LRP5: variants seen among roughly 807,000 people sequenced by gnomAD.
LRP5 encodes the protein LDL receptor related protein 5.
In LRP5, 62 loss-of-function variants were observed where a neutral mutation model predicts 154.1. The ratio of observed to expected loss-of-function variants is 0.40; its 90% confidence interval spans 0.33 to 0.50. LRP5 has a LOEUF of 0.50. LRP5 is among the 20% of genes least tolerant of loss of function. LRP5 has a pLI of 0.55. For synonymous variants in LRP5, 966 were observed against 1,011.5 expected, an observed-to-expected ratio of 0.96 and a Z score of 0.85; for missense variants, 1,915 against 2,336.7, an observed-to-expected ratio of 0.82 and a Z score of 3.72.
chr11:68,354,993 T>C (rs982216122), intron 2 of LRP5, among the ~76,000 whole-genome samples: 2 of 152,088 alleles, frequency 1.3e-5, no homozygotes, highest in Non-Finnish European at 2.9e-5. Flanking sequence ...GAAGAGGGCA[T>C]GTTTGGTTCG....
chr11:68,410,012 G>C lies in LRP5; in HGVS notation c.2190G>C (p.Lys730Asn), dbSNP rs771414728. The part of the protein sequence containing the change: ...PEGMAVDWMG[K>N]NLYWADTGTN... ...GCATGGCCGTTGACTGGATGGGCAA[G>C]AACCTCTACTGGGCCGACACTGGGA... is the stretch of plus-strand genomic sequence containing the variant. Residue 730 changes from lysine to asparagine, a missense_variant, in exon 10 of 23, where the codon AAG becomes AAC. This residue lies in a region of LRP5 where 773 missense variants were observed against 1,100.9 expected (regional missense o/e 0.70). Coordinates refer to ENST00000294304, the MANE Select transcript of LRP5 (RefSeq NM_002335.4). 6.2e-6 allele frequency: 10 copies of C among 1,614,028 alleles called. No individual in the cohort carries two copies. Among genetic ancestry groups the C allele is most frequent in the Non-Finnish European group, 8.5e-6 (10 of 1,180,006 alleles).
At chr11:68,442,567 C>T (rs537376275) in intron 21 of LRP5, among the ~76,000 whole-genome samples, 2 of 152,300 alleles carry the variant, frequency 1.3e-5, no homozygotes, top group African/African-American at 2.4e-5. Context: ...TGAGCCACTG[C>T]GCCTGGGCTG....
At chr11:68,337,965 A>G (rs1482744479) in intron 1 of LRP5, among the ~76,000 whole-genome samples, 1 of 152,178 alleles carries the variant, frequency 6.6e-6, no homozygotes, top group Non-Finnish European at 1.5e-5. Flanking sequence ...CCCAGGCTCC[A>G]GGCATTACCT....
chr11:68,431,824 G>A (rs1450963942), intron 17 of LRP5, among the ~76,000 whole-genome samples: 1 of 152,248 alleles, frequency 6.6e-6, no homozygotes, highest in Non-Finnish European at 1.5e-5. Context: ...ACTAACTGCA[G>A]CCTTGGGCCT....
intron 1 of LRP5, among the ~76,000 whole-genome samples, chr11:68,325,548 C>T (rs756842506): frequency 5.7e-4 from 87 of 152,318 alleles, no homozygotes; most frequent in Non-Finnish European, 6.6e-4. Flanking sequence ...CAGTGGCCTC[C>T]AAGCAGAAGC....
chr11:68,379,236 G>A (rs1591252681), intron 5 of LRP5, among the ~76,000 whole-genome samples: 1 of 152,052 alleles, frequency 6.6e-6, no homozygotes, highest in African/African-American at 2.4e-5. Context: ...GAATGCCCTC[G>A]TTTAGGTAAA....
At position 68,312,616 on chromosome 11, in the gene LRP5, G is replaced by T. The variant is rs1422107908; in HGVS notation, c.-99G>T. On this transcript the variant is annotated 5_prime_UTR_variant, in exon 1 of 23. Transcript: ENST00000294304. Reference sequence around the variant, plus strand: ...GTCGTCCTGGTCCGCGGCGCCCGAGGGGGGAGGCGGAGGCGCCGGGAGCCG... The same window carrying T: ...GTCGTCCTGGTCCGCGGCGCCCGAGTGGGGAGGCGGAGGCGCCGGGAGCCG... 3 of 416,400 alleles carry T rather than the reference G, an allele frequency of 7.2e-6. No individual in the cohort carries two copies. Among genetic ancestry groups the T allele is most frequent in the Non-Finnish European group, 9.7e-6 (3 of 310,400 alleles). The allele number at this position is 416,400 out of a possible 1,614,324, so 25.8% of individuals were successfully genotyped here. A position where few individuals can be genotyped will look rare whatever the true frequency, so the allele number is the denominator to read the frequency against.
Position 68,386,389 on chromosome 11 carries a change from C to T in LRP5, c.1089C>T (p.Thr363=), listed in dbSNP as rs747651554. ...RRISLDTPDF[T]DIVLQVDDIR... ...TCTCGCTGGACACGCCGGACTTCAC[C>T]GACATCGTGCTGCAGGTGGACGACA... The change falls in exon 6 of 23, where the codon ACC becomes ACT. Residue 363 remains threonine, a synonymous_variant. Transcript: ENST00000294304. The surrounding 1 kb of genome is among the most constrained non-coding windows in gnomAD (Gnocchi z 7.9). The T allele has an allele frequency of 1.2e-5, 19 of 1,613,772 alleles. No homozygotes were observed. The highest frequency in any genetic ancestry group is 4.5e-5 in the East Asian group (2 of 44,888).
chr11:68,349,424 G>A (rs1450035580), intron 2 of LRP5, among the ~76,000 whole-genome samples: 1 of 152,204 alleles, frequency 6.6e-6, no homozygotes, highest in Admixed American at 6.5e-5. Flanking sequence ...TTTGCTGTGT[G>A]TATGGTGGGC....
chr11:68,357,238 A>G (rs1164345714), intron 2 of LRP5, among the ~76,000 whole-genome samples: 1 of 152,172 alleles, frequency 6.6e-6, no homozygotes, highest in East Asian at 1.9e-4. Context: ...CCCAGCCGAT[A>G]GCTCATTTCT....
intron 21 of LRP5, among the ~76,000 whole-genome samples, chr11:68,440,542 A>G (rs1387957238): frequency 6.6e-6 from 1 of 152,202 alleles, no homozygotes; most frequent in African/African-American, 2.4e-5. Flanking sequence ...CAGGATGCCA[A>G]GGCGAGCTTG....
upstream of LRP5, among the ~76,000 whole-genome samples, chr11:68,308,741 C>T (rs1441595240): frequency 6.6e-6 from 1 of 151,850 alleles, no homozygotes; most frequent in Non-Finnish European, 1.5e-5. Flanking sequence ...CACAGCACAG[C>T]CCCTTTCTTT....
At chr11:68,381,211 C>T (rs1450620752) in intron 5 of LRP5, among the ~76,000 whole-genome samples, 1 of 152,166 alleles carries the variant, frequency 6.6e-6, no homozygotes, top group Non-Finnish European at 1.5e-5. Context: ...CTGGAGCCTT[C>T]GGAGGGAGTC....
intron 8 of LRP5, chr11:68,404,358 G>A (rs1384814829): frequency 5.7e-6 from 3 of 526,270 alleles, no homozygotes; most frequent in Non-Finnish European, 1.1e-5. Flanking sequence ...AATCTTTGCT[G>A]ATGAAGGATG....
intron 1 of LRP5, among the ~76,000 whole-genome samples, chr11:68,336,517 G>A (rs1324229504): frequency 6.6e-6 from 1 of 151,982 alleles, no homozygotes; most frequent in Non-Finnish European, 1.5e-5. Context: ...CACCCAGGCT[G>A]GAGTGCAATG....
chr11:68,317,537 A>G (rs1353060326), intron 1 of LRP5, among the ~76,000 whole-genome samples: 1 of 138,410 alleles, frequency 7.2e-6, no homozygotes, highest in East Asian at 2.5e-4. Context: ...CTACCTGGGT[A>G]GTGGGGGCTG....
rs1287001576 is a variant in LRP5 at position 68,426,142 on chromosome 11, C to T, written c.3592C>T (p.Leu1198Phe). ...TCGCATCCAGGGCCGTGTCGCCCAC[C>T]TCACTGGCATCCATGCAGTGGAGGA... is the stretch of plus-strand genomic sequence containing the variant. Reference protein sequence around the residue: ...RTRIQGRVAHLTGIHAVEEVS... With the variant: ...RTRIQGRVAHFTGIHAVEEVS... Residue 1198 changes from leucine to phenylalanine, a missense_variant, in exon 16 of 23, where the codon CTC (leucine) becomes TTC (phenylalanine). By Grantham distance (22) the Leu-to-Phe change is conservative. This residue lies in a region of LRP5 where 1,094 missense variants were observed against 1,210.1 expected (regional missense o/e 0.90). Transcript: ENST00000294304. The T allele has an allele frequency of 1.2e-6, 2 of 1,612,982 alleles. No individual in the cohort carries two copies. Among genetic ancestry groups the T allele is most frequent in the East Asian group, 2.2e-5 (1 of 44,886 alleles).
intron 1 of LRP5, among the ~76,000 whole-genome samples, chr11:68,342,215 G>T (rs977846753): frequency 6.6e-5 from 10 of 151,990 alleles, no homozygotes; most frequent in Non-Finnish European, 1.3e-4. Flanking sequence ...CTACGGAGCC[G>T]GCCCTTCCCT....
chr11:68,439,762 TC>T lies in LRP5; in HGVS notation c.4349-12del. 1.2e-6 allele frequency: 2 copies of T among 1,608,096 alleles called. No homozygotes were observed. The highest frequency in any genetic ancestry group is 1.7e-6 in the Non-Finnish European group (2 of 1,178,138). On this transcript the variant is annotated splice_polypyrimidine_tract_variant and intron_variant, in intron 20 of 22. Coordinates refer to ENST00000294304, the MANE Select transcript of LRP5 (RefSeq NM_002335.4). ...CCTGGAAGCCACCTGACCTCCCCCG[TC>T]CCTTCCCTGCCAGGCATCGCATGCG...
Sources: allele counts gnomAD v4.1 joint callset (sites outside exome capture counted in the v4.1 genomes callset), GRCh38; gene constraint gnomAD v4.1.1; regional missense constraint gnomAD v4.1.1; non-coding constraint Gnocchi (gnomAD v3.1); transcripts MANE v1.5; gene names NCBI Gene and HGNC (gene_info 2026-07-23, HGNC 2026-07-21).